DYSF: variants seen among roughly 807,000 people sequenced by gnomAD.
DYSF encodes the protein dysferlin.
DYSF carries 212 observed loss-of-function variants against 274.9 expected under a neutral mutation model. That is an observed-to-expected ratio of 0.77 (90% CI 0.69 to 0.86). The LOEUF is 0.86. Ranked by LOEUF, DYSF falls within the 40% of genes least tolerant of loss-of-function variation. DYSF has a pLI of 0.00. For synonymous variants in DYSF, 1,091 were observed against 1,078.7 expected, an observed-to-expected ratio of 1.01 and a Z score of -0.22; for missense variants, 2,666 against 2,783.2, an observed-to-expected ratio of 0.96 and a Z score of 0.95.
At chr2:71,542,735 TA>T (rs1288261542) in intron 17 of DYSF, among the ~76,000 whole-genome samples, 1 of 152,164 alleles carries the variant, frequency 6.6e-6, no homozygotes, top group African/African-American at 2.4e-5. Context: ...GAATTTTTCT[TA>T]GTACAGAACA....
intron 54 of DYSF, 25 bp downstream of exon 54, chr2:71,681,135 A>C: frequency 6.2e-7 from 1 of 1,602,836 alleles, no homozygotes; most frequent in Non-Finnish European, 8.5e-7. Flanking sequence ...CCTGAGCCCC[A>C]ATGCCCACAG....
intron 42 of DYSF, among the ~76,000 whole-genome samples, chr2:71,655,498 A>G (rs191452819): frequency 5.6e-4 from 85 of 152,376 alleles, no homozygotes; most frequent in Non-Finnish European, 1.0e-3. Flanking sequence ...AATAAAAAAC[A>G]GCTTGCTGCT....
intron 10 of DYSF, among the ~76,000 whole-genome samples, chr2:71,517,935 T>A (rs2086828410): frequency 1.3e-5 from 2 of 152,154 alleles, no homozygotes; most frequent in Admixed American, 6.5e-5. Flanking sequence ...TAATTTGGAT[T>A]TTCCCCCACC....
rs761537567 is a variant in DYSF, at chr2:71,513,930, C to T, written c.759+9C>T. 18 of 1,614,142 alleles carry T rather than the reference C, an allele frequency of 1.1e-5. No homozygotes were observed. Among genetic ancestry groups the T allele is most frequent in the Admixed American group, 3.3e-5 (2 of 60,024 alleles). On this transcript the variant is annotated intron_variant, in intron 7 of 55. Coordinates refer to ENST00000410020, the MANE Select transcript of DYSF (RefSeq NM_001130987.2). ...AACCGCAGGATTTCCAGGTGATGAA[C>T]GGGCTTTCTCTGACCCCAGGCTCCT...
intron 45 of DYSF, among the ~76,000 whole-genome samples, chr2:71,663,551 CA>C (rs1573046607): frequency 1.3e-5 from 2 of 152,340 alleles, no homozygotes; most frequent in East Asian, 3.9e-4. Context: ...CTCCATGCCA[CA>C]AGTTGCTTAA....
At chr2:71,557,750 T>C (rs1319189945) in intron 22 of DYSF, among the ~76,000 whole-genome samples, 3 of 152,242 alleles carry the variant, frequency 2.0e-5, no homozygotes, top group East Asian at 3.9e-4. Context: ...TGAAATCTTA[T>C]GAACTAGAAA....
rs757432005 is a variant in DYSF, at chr2:71,481,987, G to C, written c.239+17G>C. On this transcript the variant is annotated intron_variant, in intron 3 of 55. Coordinates refer to ENST00000410020, the MANE Select transcript of DYSF (RefSeq NM_001130987.2). ...GAGGAACAGGTAAGGTGGCCAGAGG[G>C]GGGTGCTCCATGGCTTGAAGGTGCA... 1.1e-5 allele frequency: 17 copies of C among 1,608,534 alleles called. No homozygotes were observed. Among genetic ancestry groups the C allele is most frequent in the Non-Finnish European group, 1.3e-5 (15 of 1,175,466 alleles).
intron 51 of DYSF, among the ~76,000 whole-genome samples, chr2:71,671,376 C>G (rs1339835556): frequency 6.6e-6 from 1 of 152,216 alleles, no homozygotes; most frequent in African/African-American, 2.4e-5. Context: ...GCATCTGCCC[C>G]AAGACACAGC....
intron 41 of DYSF, among the ~76,000 whole-genome samples, chr2:71,633,700 A>AT (rs913853209): frequency 4.6e-5 from 7 of 151,282 alleles, no homozygotes; most frequent in African/African-American, 1.5e-4. Flanking sequence ...AATAGACCAC[A>AT]TTTTTTTTTA....
rs746324084 is a variant in DYSF, at chr2:71,550,998, C to T, written c.1577-43C>T. 8 of 1,572,104 alleles carry T rather than the reference C, an allele frequency of 5.1e-6. No individual in the cohort carries two copies. In the East Asian group the frequency reaches 6.7e-5, roughly 13 times the overall value. ...GGTGGCTGGGTGGAGCATTGGGAAGCCCCACTGGGCCGACCCCTCTGATTG... is the reference window on the plus strand; with the variant it reads ...GGTGGCTGGGTGGAGCATTGGGAAGTCCCACTGGGCCGACCCCTCTGATTG... On this transcript the variant is annotated intron_variant, in intron 17 of 55. Transcript: ENST00000410020.
At chr2:71,513,570 G>C in intron 6 of DYSF, 146 bp from the exon 7 acceptor site, 1 of 902,726 alleles carries the variant, frequency 1.1e-6, no homozygotes, top group Non-Finnish European at 1.7e-6. Flanking sequence ...CTGGCTCACT[G>C]ATGGGGAGGG....
At chr2:71,493,289 A>G (rs2084038678) in intron 3 of DYSF, among the ~76,000 whole-genome samples, 1 of 152,172 alleles carries the variant, frequency 6.6e-6, no homozygotes, top group East Asian at 1.9e-4. Context: ...CCTCTCCCCC[A>G]GTGCGGGATT....
chr2:71,562,912 C>T (rs551292033), intron 23 of DYSF, among the ~76,000 whole-genome samples: 3 of 152,260 alleles, frequency 2.0e-5, no homozygotes, highest in Non-Finnish European at 4.4e-5. Flanking sequence ...CAGACTGACC[C>T]GTGAACTGTA....
chr2:71,507,296 G>A (rs2085583111), intron 4 of DYSF, among the ~76,000 whole-genome samples: 1 of 152,214 alleles, frequency 6.6e-6, no homozygotes, highest in Admixed American at 6.5e-5. Context: ...CCCAAGGGCA[G>A]CCCAGGTGTG....
intron 30 of DYSF, among the ~76,000 whole-genome samples, chr2:71,579,077 C>T (rs903181754): frequency 6.6e-6 from 1 of 152,174 alleles, no homozygotes. Context: ...GCGTTCCATC[C>T]AGCCTCCCTC....
chr2:71,665,181 C>G lies in DYSF; in HGVS notation c.5194C>G (p.Arg1732Gly), dbSNP rs863225021. ...CCTCAGCTCTGGACCGAACCAGTGG[C>G]GGGACCAGCTCCGCCCCTCCCAGCT... ...TYCVSGPNQW[R>G]DQLRPSQLLH... The change falls in exon 47 of 56, where the codon CGG becomes GGG. Residue 1732 changes from arginine to glycine, a missense_variant. Arg to Gly is a moderately radical substitution (Grantham distance 125). Coordinates refer to ENST00000410020, the MANE Select transcript of DYSF (RefSeq NM_001130987.2). 1 of 1,613,700 alleles carries G rather than the reference C, an allele frequency of 6.2e-7. No homozygotes were observed. Among genetic ancestry groups the G allele is most frequent in the Non-Finnish European group, 8.5e-7 (1 of 1,180,034 alleles).
At chr2:71,543,689 A>G (rs367594271) in intron 17 of DYSF, among the ~76,000 whole-genome samples, 1,547 of 152,208 alleles carry the variant, frequency 0.01, 10 homozygotes, top group Admixed American at 0.017. Flanking sequence ...GCGAAACCCC[A>G]TCTCCACCAA....
chr2:71,465,804 CT>C (rs2081496481), upstream of DYSF, among the ~76,000 whole-genome samples: 1 of 152,096 alleles, frequency 6.6e-6, no homozygotes, highest in Admixed American at 6.5e-5. Flanking sequence ...GCCAGGGCCC[CT>C]GTGTCAAGAA....
At chr2:71,536,868 T>C (rs1184628579) in intron 16 of DYSF, among the ~76,000 whole-genome samples, 1 of 152,224 alleles carries the variant, frequency 6.6e-6, no homozygotes, top group Non-Finnish European at 1.5e-5. Flanking sequence ...GCTCTTGTTA[T>C]TACCTGAATC....
Sources: allele counts gnomAD v4.1 joint callset (sites outside exome capture counted in the v4.1 genomes callset), GRCh38; gene constraint gnomAD v4.1.1; transcripts MANE v1.5; gene names NCBI Gene and HGNC (gene_info 2026-07-23, HGNC 2026-07-21).